The following SPIDR variants were observed in gnomAD, a reference collection of about 807,000 sequenced individuals.
SPIDR encodes scaffold protein involved in DNA repair.
In SPIDR, 93 loss-of-function variants were observed where a neutral mutation model predicts 104.6. The observed-to-expected ratio is 0.89, with a 90% CI of 0.75 to 1.06. The LOEUF is 1.06. SPIDR is among the 50% of genes least tolerant of loss of function. SPIDR has a pLI of 0.00. For missense variants in SPIDR, 1,154 were observed against 1,111.2 expected (o/e 1.04, Z -0.55); for synonymous variants, 431 against 416.9 (o/e 1.03, Z -0.41).
chr8:47,573,961 G>A (rs150908496), intron 8 of SPIDR, among the ~76,000 whole-genome samples: 140 of 152,294 alleles, frequency 9.2e-4, no homozygotes, highest in African/African-American at 3.3e-3. Flanking sequence ...CTGTAAAACA[G>A]ACTTTTAATC....
Position 47,365,716 on chromosome 8 carries a change from G to A in SPIDR, c.526-30660G>A, listed in dbSNP as rs145366183. Among the ~76,000 whole-genome samples the A allele has an allele frequency of 1.4e-4, 22 of 152,160 alleles. No homozygotes were observed. The East Asian group carries it at 4.1e-3, about 28-fold the overall frequency. The stretch of plus-strand genomic sequence containing the variant: ...ACATGAAATAAATGTACTTTTCTAT[G>A]CCTCTGGGCTGTTATTTATGCTGTT... On this transcript the variant is annotated intron_variant, in intron 5 of 19. Coordinates refer to ENST00000297423, the MANE Select transcript of SPIDR (RefSeq NM_001080394.4).
At chr8:47,431,036 TC>T (rs2154339359) in intron 7 of SPIDR, among the ~76,000 whole-genome samples, 1 of 152,298 alleles carries the variant, frequency 6.6e-6, no homozygotes, top group South Asian at 2.1e-4. Flanking sequence ...CATCACAAAA[TC>T]CCACAGACTG....
intron 8 of SPIDR, among the ~76,000 whole-genome samples, chr8:47,469,503 ATG>A (rs2075370861): frequency 6.6e-6 from 1 of 152,156 alleles, no homozygotes; most frequent in Non-Finnish European, 1.5e-5. Flanking sequence ...AACAAAGAAA[ATG>A]TGGTGTGTAT....
chr8:47,288,911 G>A (rs2039381083), intron 3 of SPIDR, among the ~76,000 whole-genome samples: 1 of 151,844 alleles, frequency 6.6e-6, no homozygotes, highest in African/African-American at 2.4e-5. Flanking sequence ...TTTTTTTTGT[G>A]CCACCATTAT....
At chr8:47,545,545 A>G (rs528452213) in intron 8 of SPIDR, among the ~76,000 whole-genome samples, 2 of 152,162 alleles carry the variant, frequency 1.3e-5, no homozygotes, top group South Asian at 4.1e-4. Context: ...AGATTCTTTC[A>G]TAACTTCTCC....
intron 8 of SPIDR, among the ~76,000 whole-genome samples, chr8:47,565,486 A>G (rs1304149508): frequency 6.6e-6 from 1 of 152,168 alleles, no homozygotes; most frequent in Non-Finnish European, 1.5e-5. Flanking sequence ...AAGTTTAAAT[A>G]TTACCATTAA....
intron 8 of SPIDR, among the ~76,000 whole-genome samples, chr8:47,469,368 T>C (rs915540660): frequency 6.6e-6 from 1 of 152,110 alleles, no homozygotes; most frequent in Non-Finnish European, 1.5e-5. Context: ...CATTACTGGG[T>C]ATATATACCC....
At chr8:47,462,624 A>G (rs2074130243) in intron 8 of SPIDR, among the ~76,000 whole-genome samples, 1 of 152,224 alleles carries the variant, frequency 6.6e-6, no homozygotes, top group Non-Finnish European at 1.5e-5. Context: ...GAAGAAGAGA[A>G]AGATATTAAA....
intron 8 of SPIDR, among the ~76,000 whole-genome samples, chr8:47,474,291 A>T (rs372976128): frequency 6.6e-6 from 1 of 152,184 alleles, no homozygotes; most frequent in South Asian, 2.1e-4. Context: ...TCGAATACCC[A>T]TGTGTATTCT....
intron 11 of SPIDR, among the ~76,000 whole-genome samples, chr8:47,678,197 T>G (rs2076674473): frequency 6.6e-6 from 1 of 152,246 alleles, no homozygotes; most frequent in African/African-American, 2.4e-5. Flanking sequence ...GTATAAAGTC[T>G]GCTAGATAAA....
At chr8:47,686,351 A>T (rs2077822430) in intron 11 of SPIDR, among the ~76,000 whole-genome samples, 2 of 152,336 alleles carry the variant, frequency 1.3e-5, no homozygotes, top group East Asian at 1.9e-4. Context: ...ATTTACTTTA[A>T]ATATGCTATT....
chr8:47,504,101 C>G (rs75515904), intron 8 of SPIDR, among the ~76,000 whole-genome samples: 2 of 152,174 alleles, frequency 1.3e-5, no homozygotes, highest in East Asian at 1.9e-4. Context: ...GTGAATCTGA[C>G]AATTATGTGT....
At chr8:47,317,105 G>A (rs1586837751) in intron 5 of SPIDR, among the ~76,000 whole-genome samples, 1 of 152,226 alleles carries the variant, frequency 6.6e-6, no homozygotes, top group East Asian at 1.9e-4. Flanking sequence ...GAAAGTTGGT[G>A]CAGGACAGTG....
intron 8 of SPIDR, among the ~76,000 whole-genome samples, chr8:47,448,384 T>A (rs1464107079): frequency 6.6e-6 from 1 of 152,194 alleles, no homozygotes; most frequent in East Asian, 1.9e-4. Flanking sequence ...TGTACATTCA[T>A]TTAAAAAGAT....
At chr8:47,441,960 A>G (rs2069532643) in intron 8 of SPIDR, among the ~76,000 whole-genome samples, 2 of 152,172 alleles carry the variant, frequency 1.3e-5, no homozygotes, top group African/African-American at 2.4e-5. Context: ...ATACCTACAT[A>G]TATTTTGGGC....
intron 8 of SPIDR, among the ~76,000 whole-genome samples, chr8:47,586,803 C>T (rs1378356171): frequency 2.6e-5 from 4 of 152,198 alleles, no homozygotes; most frequent in African/African-American, 4.8e-5. Flanking sequence ...GAGTCTCGCT[C>T]TGTCGACCAG....
At chr8:47,432,258 A>T (rs1220808479) in intron 7 of SPIDR, among the ~76,000 whole-genome samples, 1 of 152,254 alleles carries the variant, frequency 6.6e-6, no homozygotes, top group Admixed American at 6.5e-5. Flanking sequence ...AAAAAATGGT[A>T]CAATACAGTG....
chr8:47,672,608 A>G (rs58297550), intron 10 of SPIDR, among the ~76,000 whole-genome samples: 18,600 of 152,234 alleles, frequency 0.12, 1,733 homozygotes, highest in African/African-American at 0.23. Context: ...CTTCAAATCT[A>G]TCAAGTCATT....
intron 5 of SPIDR, among the ~76,000 whole-genome samples, chr8:47,330,431 CA>C (rs1266538478): frequency 6.6e-6 from 1 of 152,120 alleles, no homozygotes; most frequent in African/African-American, 2.4e-5. Context: ...TGAGTTTGAA[CA>C]AATGTATAAA....
Sources: gnomAD v4.1 joint callset for allele counts (sites outside exome capture counted in the v4.1 genomes callset) on GRCh38, gnomAD v4.1.1 for gene constraint, MANE v1.5 for transcripts, NCBI Gene and HGNC (gene_info 2026-07-23, HGNC 2026-07-21) for gene names.